The following SLC9B1 variants were observed in gnomAD, a reference collection of about 807,000 sequenced individuals.
SLC9B1 encodes the protein solute carrier family 9 member B1.
In SLC9B1, 32 loss-of-function variants were observed where a neutral mutation model predicts 51.7. The observed-to-expected ratio is 0.62, with a 90% CI of 0.47 to 0.83. The LOEUF (loss-of-function observed/expected upper bound fraction) is 0.83. Among genes scored for constraint, SLC9B1 ranks in the 40% least tolerant of loss-of-function variants. SLC9B1 has a pLI of 0.00. For synonymous variants in SLC9B1, 145 were observed against 212.7 expected (o/e 0.68, Z 2.77); for missense variants, 406 against 613.2 (o/e 0.66, Z 3.57).
intron 7 of SLC9B1, 76 bp from the exon 8 acceptor site, chr4:102,911,613 AG>A: frequency 1.1e-6 from 1 of 877,924 alleles, no homozygotes; most frequent in South Asian, 1.5e-5. Flanking sequence ...AAGCAAATCT[AG>A]GTGGTTCATG....
intron 2 of SLC9B1, among the ~76,000 whole-genome samples, chr4:102,991,225 A>G (rs1739924403): frequency 6.6e-6 from 1 of 152,068 alleles, no homozygotes; most frequent in African/African-American, 2.4e-5. Flanking sequence ...ATTACTAAGT[A>G]AAACTAGATC....
At chr4:102,969,447 CA>C (rs1180600449) in intron 3 of SLC9B1, among the ~76,000 whole-genome samples, 3 of 152,140 alleles carry the variant, frequency 2.0e-5, no homozygotes, top group African/African-American at 7.2e-5. Flanking sequence ...ACAGCATCAA[CA>C]AAAAGGACAT....
intron 4 of SLC9B1, among the ~76,000 whole-genome samples, chr4:102,948,325 T>TACACACACACACACAC (rs375091561): frequency 1.3e-4 from 16 of 127,468 alleles, no homozygotes; most frequent in African/African-American, 2.5e-4. Context: ...GGCAAAGCCA[T>TACACACACACACACAC]ACACACACAC....
chr4:102,927,894 C>G (rs934591579), intron 7 of SLC9B1, among the ~76,000 whole-genome samples: 1 of 152,112 alleles, frequency 6.6e-6, no homozygotes, highest in African/African-American at 2.4e-5. Flanking sequence ...CTAATGCAAT[C>G]ATAAAAAAGG....
At chr4:102,900,663 T>A (rs1430259004), downstream of SLC9B1, among the ~76,000 whole-genome samples, 2 of 152,178 alleles carry the variant, frequency 1.3e-5, no homozygotes, top group African/African-American at 2.4e-5. Context: ...TTGATGTGTT[T>A]TATTCCTTTT....
chr4:103,009,571 T>C (rs1740984136), intron 1 of SLC9B1, among the ~76,000 whole-genome samples: 2 of 152,228 alleles, frequency 1.3e-5, no homozygotes, highest in South Asian at 4.1e-4. Context: ...CTGCAGCTCT[T>C]TTCCTTCCAC....
rs930401383 is a variant in SLC9B1 at position 102,891,065 on chromosome 4, G to A, written c.1333-5737C>T. On this transcript the variant is annotated intron_variant, in intron 11 of 11. Coordinates refer to the SLC9B1 transcript ENST00000394789. ...AAATCATTGATAGATCCAGAACAAG[G>A]AAATGATGTATGTGTTTACATATTA... is the stretch of plus-strand genomic sequence containing the variant. 1.2e-4 allele frequency: 18 copies of A among 150,970 alleles called. 2 individuals carry two copies. The highest frequency in any genetic ancestry group is 4.0e-4 in the African/African-American group (16 of 40,434). 9.4% of individuals were successfully genotyped at this position (150,970 alleles called of 1,614,324 possible). A position where few individuals can be genotyped will look rare whatever the true frequency, so the allele number is the denominator to read the frequency against.
At chr4:102,943,504 T>TACACACACACACACAC (rs1319877290) in intron 6 of SLC9B1, among the ~76,000 whole-genome samples, 1,359 of 71,926 alleles carry the variant, frequency 0.019, 7 homozygotes, top group Non-Finnish European at 0.023. Flanking sequence ...TATGTGTATG[T>TACACACACACACACAC]ATACACACAC....
intron 6 of SLC9B1, among the ~76,000 whole-genome samples, chr4:102,939,290 A>G (rs1736873032): frequency 6.6e-6 from 1 of 151,296 alleles, no homozygotes; most frequent in Admixed American, 6.6e-5. Context: ...CCTATGAGAA[A>G]TTGGTAAATT....
chr4:102,963,529 C>T (rs1738253504), intron 3 of SLC9B1, among the ~76,000 whole-genome samples: 2 of 152,220 alleles, frequency 1.3e-5, no homozygotes, highest in Admixed American at 1.3e-4. Flanking sequence ...TGTATGCCCA[C>T]TCCTTCTTCT....
chr4:102,978,741 T>C (rs1351816153), intron 3 of SLC9B1, among the ~76,000 whole-genome samples: 1 of 152,350 alleles, frequency 6.6e-6, no homozygotes, highest in Non-Finnish European at 1.5e-5. Flanking sequence ...TCAACCATTA[T>C]GGAAGTCAGT....
chr4:102,945,179 G>T lies in SLC9B1; in HGVS notation c.653+14C>A. On this transcript the variant is annotated intron_variant, in intron 6 of 11. Coordinates refer to ENST00000296422, the MANE Select transcript of SLC9B1 (RefSeq NM_139173.4). The stretch of plus-strand genomic sequence containing the variant: ...ATTGAATATTTTCATAAGAAAAAAT[G>T]AGAAAGAAATTACCCTAATAGAAAT... 2 of 1,556,904 alleles carry T rather than the reference G, an allele frequency of 1.3e-6. No homozygotes were observed.
intron 3 of SLC9B1, among the ~76,000 whole-genome samples, chr4:102,958,347 C>A (rs1177177260): frequency 6.6e-6 from 1 of 152,154 alleles, no homozygotes; most frequent in East Asian, 1.9e-4. Context: ...TTGTAAGCTT[C>A]CTGAAGCCTT....
At chr4:102,958,146 A>C (rs1737902969) in intron 3 of SLC9B1, among the ~76,000 whole-genome samples, 1 of 152,178 alleles carries the variant, frequency 6.6e-6, no homozygotes, top group African/African-American at 2.4e-5. Context: ...TGTTGGAGAT[A>C]GGTCCTGCTG....
At chr4:102,944,386 T>C (rs1737166476) in intron 6 of SLC9B1, among the ~76,000 whole-genome samples, 1 of 152,086 alleles carries the variant, frequency 6.6e-6, no homozygotes, top group Non-Finnish European at 1.5e-5. Context: ...GAAATAAAAA[T>C]TGGAGAAGAA....
At chr4:102,973,322 A>T (rs1034266634) in intron 3 of SLC9B1, among the ~76,000 whole-genome samples, 1 of 152,184 alleles carries the variant, frequency 6.6e-6, no homozygotes, top group African/African-American at 2.4e-5. Context: ...AAAAACTATA[A>T]GACAAAAAAC....
chr4:102,931,978 T>G (rs1736481155), intron 7 of SLC9B1, 146 bp downstream of exon 7: 1 of 704,950 alleles, frequency 1.4e-6, no homozygotes, highest in African/African-American at 1.8e-5. Flanking sequence ...TTCCTTGGTC[T>G]AGAATGAGCT....
intron 11 of SLC9B1, chr4:102,889,841 T>C (rs1297405112): frequency 6.6e-6 from 1 of 152,168 alleles, no homozygotes; most frequent in African/African-American, 2.4e-5. Flanking sequence ...AGACATCTAA[T>C]AACCAAATGT....
At chr4:102,929,170 T>A (rs1451457157) in intron 7 of SLC9B1, among the ~76,000 whole-genome samples, 1 of 152,230 alleles carries the variant, frequency 6.6e-6, no homozygotes, top group Non-Finnish European at 1.5e-5. Context: ...ATATTAATCT[T>A]CACAATGTAA....
Sources: gnomAD v4.1 joint callset for allele counts (sites outside exome capture counted in the v4.1 genomes callset) on GRCh38, gnomAD v4.1.1 for gene constraint, MANE v1.5 for transcripts, NCBI Gene and HGNC (gene_info 2026-07-23, HGNC 2026-07-21) for gene names.